The following GPC5 variants were observed in gnomAD, a reference collection of about 807,000 sequenced individuals.
The protein encoded by GPC5 is glypican 5.
Under a neutral mutation model 53.9 loss-of-function variants are expected in GPC5, and 47 were observed. The observed-to-expected ratio is 0.87, with a 90% CI of 0.69 to 1.11. The LOEUF is 1.11. Among genes scored for constraint, GPC5 ranks in the 50% most tolerant of loss-of-function variants. GPC5 has a pLI of 0.00. For missense variants in GPC5, 748 were observed against 713.1 expected (o/e 1.05, Z -0.56); for synonymous variants, 286 against 263.3 (o/e 1.09, Z -0.84).
chr13:92,089,351 G>A (rs1029483440), intron 6 of GPC5, among the ~76,000 whole-genome samples: 2 of 152,050 alleles, frequency 1.3e-5, no homozygotes, highest in South Asian at 2.1e-4. Context: ...GGAGAATGGC[G>A]TGAACCTGGG....
intron 5 of GPC5, among the ~76,000 whole-genome samples, chr13:91,819,179 A>C (rs1315969085): frequency 1.6e-5 from 1 of 60,696 alleles, no homozygotes; most frequent in Admixed American, 2.8e-4. Flanking sequence ...TTTTTTTTTG[A>C]GATGGAGTCT....
intron 7 of GPC5, among the ~76,000 whole-genome samples, chr13:92,420,875 C>A (rs1488188015): frequency 1.3e-5 from 2 of 152,112 alleles, no homozygotes; most frequent in East Asian, 3.9e-4. Context: ...ACCACATTTT[C>A]TTTTTCTATT....
chr13:92,530,889 C>T (rs1166455696), intron 7 of GPC5, among the ~76,000 whole-genome samples: 5 of 152,154 alleles, frequency 3.3e-5, no homozygotes, highest in African/African-American at 1.2e-4. Flanking sequence ...TGAATGCTTT[C>T]CAGGGATCTC....
At chr13:91,449,036 G>T (rs9589237) in intron 2 of GPC5, 114 bp downstream of exon 2, 58,248 of 1,184,698 alleles carry the variant, frequency 0.049, 1,822 homozygotes, top group South Asian at 0.12. Flanking sequence ...CATAATATTC[G>T]GGTATAAAAT....
At chr13:91,522,174 C>T (rs1156411168) in intron 2 of GPC5, among the ~76,000 whole-genome samples, 1 of 152,132 alleles carries the variant, frequency 6.6e-6, no homozygotes, top group East Asian at 1.9e-4. Flanking sequence ...TGATGTAAAC[C>T]TTTGGCCATT....
intron 7 of GPC5, among the ~76,000 whole-genome samples, chr13:92,295,864 A>G (rs1030563667): frequency 1.3e-5 from 2 of 152,038 alleles, no homozygotes; most frequent in Admixed American, 1.3e-4. Flanking sequence ...TGCGTTAGGT[A>G]AGTCTCTTGA....
chr13:92,639,962 A>AT (rs369589370), intron 7 of GPC5, among the ~76,000 whole-genome samples: 89 of 149,362 alleles, frequency 6.0e-4, no homozygotes, highest in African/African-American at 9.4e-4. Flanking sequence ...GATCCTGAGG[A>AT]TTTTTTTTTT....
chr13:92,681,417 C>T (rs1275929557), intron 7 of GPC5, among the ~76,000 whole-genome samples: 2 of 151,672 alleles, frequency 1.3e-5, no homozygotes, highest in Non-Finnish European at 2.9e-5. Context: ...CATCCCCACC[C>T]AACTCACCCC....
At chr13:91,820,880 A>G (rs556237362) in intron 5 of GPC5, among the ~76,000 whole-genome samples, 90 of 152,034 alleles carry the variant, frequency 5.9e-4, no homozygotes, top group Non-Finnish European at 9.0e-4. Context: ...GGAGAATGGC[A>G]TGAACCCGGG....
At chr13:92,168,746 A>G (rs2042048786) in intron 7 of GPC5, among the ~76,000 whole-genome samples, 1 of 152,226 alleles carries the variant, frequency 6.6e-6, no homozygotes, top group African/African-American at 2.4e-5. Flanking sequence ...AAGGTAAATT[A>G]GTTCAACCAT....
chr13:92,278,634 T>G (rs2042892378), intron 7 of GPC5, among the ~76,000 whole-genome samples: 1 of 152,080 alleles, frequency 6.6e-6, no homozygotes, highest in African/African-American at 2.4e-5. Context: ...ATTTACCCTG[T>G]GATTTCTTTC....
rs1315466081 is a variant in GPC5 at position 91,558,932 on chromosome 13, G to A, written c.325+110010G>A. Among the ~76,000 whole-genome samples the A allele has an allele frequency of 2.6e-5, 4 of 152,136 alleles. No individual in the cohort carries two copies. The East Asian group carries it at 7.7e-4, about 29-fold the overall frequency. The stretch of plus-strand genomic sequence containing the variant: ...TGTCCACTATTGGTATATTTTTAGA[G>A]TTAGTTTTTACCTTTTCATATTAAT... On this transcript the variant is annotated intron_variant, in intron 2 of 7. Transcript: ENST00000377067.
At chr13:91,469,778 G>T (rs958765172) in intron 2 of GPC5, among the ~76,000 whole-genome samples, 7 of 152,148 alleles carry the variant, frequency 4.6e-5, no homozygotes, top group Non-Finnish European at 1.0e-4. Flanking sequence ...GGTGGCTCAT[G>T]CCTGTAATCC....
At chr13:92,664,229 A>T (rs532505555) in intron 7 of GPC5, among the ~76,000 whole-genome samples, 5 of 152,130 alleles carry the variant, frequency 3.3e-5, no homozygotes, top group African/African-American at 9.6e-5. Flanking sequence ...CATGGTGAGC[A>T]CAAGGGGCTG....
chr13:92,539,705 C>T (rs1019834541), intron 7 of GPC5, among the ~76,000 whole-genome samples: 1 of 151,772 alleles, frequency 6.6e-6, no homozygotes, highest in Non-Finnish European at 1.5e-5. Flanking sequence ...CTTTTGCCTC[C>T]TTATAGCCTC....
intron 3 of GPC5, among the ~76,000 whole-genome samples, chr13:91,714,461 A>G (rs754456592): frequency 2.6e-5 from 4 of 152,236 alleles, no homozygotes; most frequent in Non-Finnish European, 4.4e-5. Flanking sequence ...ATGTCGTATT[A>G]TGAGACTGAG....
rs542817533 is a variant in GPC5 at position 91,437,151 on chromosome 13, T to C, written c.164-11610T>C. 8.5e-5 allele frequency among the ~76,000 whole-genome samples: 13 copies of C among 152,366 alleles called. No individual in the cohort carries two copies. The South Asian group carries it at 1.2e-3, about 15-fold the overall frequency. On this transcript the variant is annotated intron_variant, in intron 1 of 7. Transcript: ENST00000377067. ...CTTGACTCTTTATCCAATTTGCCAG[T>C]CCGTGTCTTTTAATTGGAGCATTTA...
intron 2 of GPC5, among the ~76,000 whole-genome samples, chr13:91,543,084 C>G (rs1055891925): frequency 6.6e-6 from 1 of 152,080 alleles, no homozygotes; most frequent in Non-Finnish European, 1.5e-5. Flanking sequence ...TCTTGACCTC[C>G]TGACCTCGTA....
At chr13:92,803,095 C>A (rs1302550287) in intron 7 of GPC5, among the ~76,000 whole-genome samples, 1 of 151,864 alleles carries the variant, frequency 6.6e-6, no homozygotes. Context: ...GAAATGCTGT[C>A]ATTTGTTTGT....
Sources: allele counts gnomAD v4.1 joint callset (sites outside exome capture counted in the v4.1 genomes callset), GRCh38; gene constraint gnomAD v4.1.1; transcripts MANE v1.5; gene names NCBI Gene and HGNC (gene_info 2026-07-23, HGNC 2026-07-21).